The following PCCA variants were observed in gnomAD, a reference collection of about 807,000 sequenced individuals.
PCCA encodes propionyl-CoA carboxylase subunit alpha, also known as propionyl-CoA carboxylase alpha chain, mitochondrial.
PCCA carries 74 observed loss-of-function variants against 101.3 expected under a neutral mutation model. The ratio of observed to expected loss-of-function variants is 0.73; its 90% CI spans 0.61 to 0.89. The LOEUF is 0.89. Among genes scored for constraint, PCCA ranks in the 40% least tolerant of loss-of-function variants. The pLI, the probability that PCCA is intolerant of heterozygous loss-of-function variation, is 0.00. For synonymous variants in PCCA, 294 were observed against 313.6 expected, an observed-to-expected ratio of 0.94 and a Z score of 0.66; for missense variants, 891 against 907.0, an observed-to-expected ratio of 0.98 and a Z score of 0.23.
chr13:100,486,907 G>T (rs1004625359), intron 21 of PCCA, among the ~76,000 whole-genome samples: 4 of 152,200 alleles, frequency 2.6e-5, no homozygotes, highest in African/African-American at 9.7e-5. Flanking sequence ...TGACAGAGCA[G>T]AGAGACTCTG....
chr13:100,473,674 C>T (rs1167508206), intron 21 of PCCA, among the ~76,000 whole-genome samples: 3 of 152,280 alleles, frequency 2.0e-5, no homozygotes, highest in East Asian at 1.9e-4. Context: ...AGGTCGGGGT[C>T]GGTGACCTCT....
intron 8 of PCCA, among the ~76,000 whole-genome samples, chr13:100,240,792 G>A (rs2061077772): frequency 6.6e-6 from 1 of 152,036 alleles, no homozygotes; most frequent in African/African-American, 2.4e-5. Context: ...TGCACAACCA[G>A]TATATGTCCC....
intron 6 of PCCA, among the ~76,000 whole-genome samples, chr13:100,208,247 A>G (rs1207841477): frequency 6.6e-6 from 1 of 152,080 alleles, no homozygotes; most frequent in Non-Finnish European, 1.5e-5. Context: ...CCTCTTGGTC[A>G]TGATGGCCAG....
chr13:100,492,222 C>T (rs1464078115), intron 21 of PCCA, among the ~76,000 whole-genome samples: 1 of 152,032 alleles, frequency 6.6e-6, no homozygotes, highest in African/African-American at 2.4e-5. Flanking sequence ...GCAAGCTCCA[C>T]CTCCCAGGTT....
intron 21 of PCCA, among the ~76,000 whole-genome samples, chr13:100,454,159 C>T (rs2081549005): frequency 6.6e-6 from 1 of 152,082 alleles, no homozygotes; most frequent in African/African-American, 2.4e-5. Context: ...CAGGCGTGAG[C>T]CACCGCACCT....
At chr13:100,199,479 TCTTGA>T (rs2058338232) in intron 6 of PCCA, among the ~76,000 whole-genome samples, 1 of 152,198 alleles carries the variant, frequency 6.6e-6, no homozygotes, top group Admixed American at 6.5e-5. Context: ...CTTACCCCAG[TCTTGA>T]CTTAGCTCAC....
chr13:100,094,657 C>T (rs7993228), intron 1 of PCCA, among the ~76,000 whole-genome samples: 17 of 152,216 alleles, frequency 1.1e-4, no homozygotes, highest in East Asian at 1.9e-4. Context: ...GTGTGATCTC[C>T]GCTCACGGCA....
chr13:100,435,904 G>A (rs1476736718), intron 20 of PCCA, among the ~76,000 whole-genome samples: 4 of 152,100 alleles, frequency 2.6e-5, no homozygotes, highest in Admixed American at 1.3e-4. Flanking sequence ...TTAGCCTAGT[G>A]TGGTGGTGCA....
chr13:100,444,716 C>T (rs774365584), intron 20 of PCCA, among the ~76,000 whole-genome samples: 42 of 152,008 alleles, frequency 2.8e-4, no homozygotes, highest in Non-Finnish European at 5.3e-4. Flanking sequence ...GCTGGGATTA[C>T]AGGCGTGAGC....
chr13:100,400,620 CTTTTTAGTTCTTT>C (rs751619372), intron 19 of PCCA, among the ~76,000 whole-genome samples: 4,723 of 61,930 alleles, frequency 0.076, 271 homozygotes, highest in South Asian at 0.15. Flanking sequence ...GATCTTAGTT[CTTTTTAGTTCTTT>C]TTTTTTTTTT....
intron 19 of PCCA, among the ~76,000 whole-genome samples, chr13:100,411,458 A>G (rs2078046190): frequency 6.6e-6 from 1 of 152,182 alleles, no homozygotes; most frequent in Non-Finnish European, 1.5e-5. Flanking sequence ...TGATGCTGAA[A>G]AAAGCACAAC....
At chr13:100,143,693 G>T (rs909824762) in intron 4 of PCCA, among the ~76,000 whole-genome samples, 1 of 151,980 alleles carries the variant, frequency 6.6e-6, no homozygotes, top group African/African-American at 2.4e-5. Context: ...TGGGGAGAAA[G>T]AATATTTATT....
intron 18 of PCCA, among the ~76,000 whole-genome samples, chr13:100,349,263 A>G (rs949072331): frequency 2.6e-5 from 4 of 152,144 alleles, no homozygotes; most frequent in African/African-American, 9.7e-5. Flanking sequence ...AGCTGGGATT[A>G]CAGGCGTGCA....
chr13:100,257,447 C>T, intron 8 of PCCA, 148 bp from the exon 9 acceptor site: 1 of 692,032 alleles, frequency 1.4e-6, no homozygotes, highest in South Asian at 1.6e-5. Context: ...TGTTACTTTC[C>T]TGGTGTTATT....
At chr13:100,513,591 G>A (rs552905706) in intron 21 of PCCA, among the ~76,000 whole-genome samples, 21 of 152,330 alleles carry the variant, frequency 1.4e-4, no homozygotes, top group African/African-American at 3.8e-4. Context: ...TTAGCGCTTC[G>A]TTCATATGCA....
chr13:100,412,467 T>TA (rs1033140144), intron 19 of PCCA, among the ~76,000 whole-genome samples: 2 of 152,168 alleles, frequency 1.3e-5, no homozygotes, highest in African/African-American at 4.8e-5. Flanking sequence ...TACAAAGAAA[T>TA]ACCTCCCCAG....
At chr13:100,326,310 C>T (rs1172550661) in intron 16 of PCCA, among the ~76,000 whole-genome samples, 1 of 152,070 alleles carries the variant, frequency 6.6e-6, no homozygotes, top group Non-Finnish European at 1.5e-5. Context: ...CAGAGGATGA[C>T]TTGATGTAGA....
intron 12 of PCCA, among the ~76,000 whole-genome samples, chr13:100,278,650 T>C (rs1445878647): frequency 2.0e-5 from 3 of 152,146 alleles, no homozygotes; most frequent in African/African-American, 4.8e-5. Context: ...CAGCTAATTT[T>C]TGTATTTTTA....
intron 6 of PCCA, among the ~76,000 whole-genome samples, chr13:100,200,504 G>T (rs1392555885): frequency 6.6e-6 from 1 of 152,002 alleles, no homozygotes; most frequent in African/African-American, 2.4e-5. Flanking sequence ...CATTGCTACT[G>T]ATTGGTCATT....
Sources: allele counts gnomAD v4.1 joint callset (sites outside exome capture counted in the v4.1 genomes callset), GRCh38; gene constraint gnomAD v4.1.1; transcripts MANE v1.5; gene names NCBI Gene and HGNC (gene_info 2026-07-23, HGNC 2026-07-21).